DSCAM: variants seen among roughly 807,000 people sequenced by gnomAD.
The protein encoded by DSCAM is cell adhesion molecule DSCAM.
In DSCAM, 47 loss-of-function variants were observed where a neutral mutation model predicts 217.7. The observed-to-expected ratio is 0.22, with a 90% CI of 0.17 to 0.28. The LOEUF is 0.28. DSCAM is among the 10% of genes least tolerant of loss of function. The probability of loss-of-function intolerance (pLI) is 1.00; values close to 1 mark genes in which losing one functional copy is unlikely to be tolerated. For missense variants in DSCAM, 2,080 were observed against 2,618.3 expected, an observed-to-expected ratio of 0.79 and a Z score of 4.49; for synonymous variants, 1,056 against 1,015.3, an observed-to-expected ratio of 1.04 and a Z score of -0.76.
rs75539796 is a variant in DSCAM at position 40,160,325 on chromosome 21, T to C, written c.3018+6893A>G. On this transcript the variant is annotated intron_variant, in intron 16 of 32. Coordinates refer to ENST00000400454, the MANE Select transcript of DSCAM (RefSeq NM_001389.5). ...TCTAATTTTCTGAAATTTAATCCAG[T>C]ACTTTTTACACTGTATTCTAATTAT... 2.0e-4 allele frequency among the ~76,000 whole-genome samples: 30 copies of C among 152,334 alleles called. No homozygotes were observed. In the East Asian group the frequency reaches 5.6e-3, roughly 28 times the overall value.
At chr21:40,439,921 G>C (rs1278394209) in intron 3 of DSCAM, among the ~76,000 whole-genome samples, 3 of 152,186 alleles carry the variant, frequency 2.0e-5, no homozygotes, top group African/African-American at 7.2e-5. Flanking sequence ...GGGAATTCAA[G>C]ATGAAATTTG....
In DSCAM at chr21:40,844,656, A is replaced by G. The variant is rs371343732; in HGVS notation, c.43+1963T>C. Among the ~76,000 whole-genome samples, 29 of 152,312 alleles carry G rather than the reference A, an allele frequency of 1.9e-4. 1 individual carries two copies. The South Asian group carries it at 6.0e-3, about 32-fold the overall frequency. ...AATATTTGAGGTTTCATATAATTGT[A>G]TTACCATATATAATTATTTCTATGA... On this transcript the variant is annotated intron_variant, in intron 1 of 32. Transcript: ENST00000400454.
At chr21:40,425,361 A>G (rs1019816281) in intron 3 of DSCAM, among the ~76,000 whole-genome samples, 3 of 152,264 alleles carry the variant, frequency 2.0e-5, no homozygotes, top group Admixed American at 1.3e-4. Flanking sequence ...CCCCGTCTCT[A>G]CTAAAAATAA....
intron 1 of DSCAM, among the ~76,000 whole-genome samples, chr21:40,820,621 T>G (rs1569053255): frequency 6.6e-6 from 1 of 152,074 alleles, no homozygotes; most frequent in Non-Finnish European, 1.5e-5. Context: ...GAACTGAAAG[T>G]AAAATAAAAT....
chr21:40,786,525 A>G (rs2091595937), intron 1 of DSCAM, among the ~76,000 whole-genome samples: 1 of 152,066 alleles, frequency 6.6e-6, no homozygotes, highest in Non-Finnish European at 1.5e-5. Context: ...TTAACGAGAC[A>G]CCCAGGAGAC....
chr21:40,328,692 G>C (rs2074343683), intron 8 of DSCAM, among the ~76,000 whole-genome samples: 1 of 151,870 alleles, frequency 6.6e-6, no homozygotes, highest in South Asian at 2.1e-4. Context: ...CAGAGTGAAT[G>C]AAGTGACAAC....
intron 11 of DSCAM, among the ~76,000 whole-genome samples, chr21:40,230,626 A>G (rs1212406538): frequency 6.6e-6 from 1 of 152,208 alleles, no homozygotes; most frequent in African/African-American, 2.4e-5. Context: ...GCTGCAAACC[A>G]CACATTTTAA....
intron 32 of DSCAM, among the ~76,000 whole-genome samples, chr21:40,026,902 T>A (rs370219458): frequency 1.4e-4 from 22 of 152,114 alleles, no homozygotes; most frequent in African/African-American, 4.8e-4. Flanking sequence ...GTTATGTGTG[T>A]ATTTGATCCT....
chr21:40,172,872 C>A lies in DSCAM; in HGVS notation c.2948-5584G>T, dbSNP rs142668011. The stretch of plus-strand genomic sequence containing the variant: ...TCTACAAACACACGTTTGTCTTCTA[C>A]AGGAGTTGGGTGGGTGGGCGAGAGG... On this transcript the variant is annotated intron_variant, in intron 15 of 32. Transcript: ENST00000400454. Among the ~76,000 whole-genome samples, 11 of 152,324 alleles carry A rather than the reference C, an allele frequency of 7.2e-5. No individual in the cohort carries two copies. In the East Asian group the frequency reaches 2.1e-3, roughly 29 times the overall value.
intron 3 of DSCAM, among the ~76,000 whole-genome samples, chr21:40,378,735 G>GCGC (rs1175136047): frequency 6.6e-6 from 1 of 151,466 alleles, no homozygotes; most frequent in African/African-American, 2.4e-5. Flanking sequence ...GGGACTACAG[G>GCGC]CGCCCGCTAC....
In DSCAM at chr21:40,582,075, T is replaced by C. The variant is rs144035041; in HGVS notation, c.508+110735A>G. Reference sequence around the variant, plus strand: ...ATAAATGTCATTCTGCAGTTTAGGATTATGGTCCTAAAGCCCAGTATTTAA... The same window carrying C: ...ATAAATGTCATTCTGCAGTTTAGGACTATGGTCCTAAAGCCCAGTATTTAA... On this transcript the variant is annotated intron_variant, in intron 3 of 32. Transcript: ENST00000400454. Among the ~76,000 whole-genome samples the C allele has an allele frequency of 7.7e-3, 1,178 of 152,284 alleles. 14 individuals carry two copies. The highest frequency in any genetic ancestry group is 0.027 in the African/African-American group (1,106 of 41,566).
At chr21:40,169,310 A>G (rs2090630816) in intron 15 of DSCAM, among the ~76,000 whole-genome samples, 1 of 152,218 alleles carries the variant, frequency 6.6e-6, no homozygotes, top group Non-Finnish European at 1.5e-5. Flanking sequence ...ACAATAAGCC[A>G]AGCAGGAAAT....
intron 3 of DSCAM, among the ~76,000 whole-genome samples, chr21:40,417,536 G>C (rs1471981787): frequency 7.0e-6 from 1 of 143,318 alleles, no homozygotes; most frequent in Non-Finnish European, 1.5e-5. Flanking sequence ...GTGTAATATT[G>C]CATTTGATAT....
At chr21:40,299,817 A>T (rs994996302) in intron 9 of DSCAM, among the ~76,000 whole-genome samples, 2 of 152,144 alleles carry the variant, frequency 1.3e-5, no homozygotes, top group Non-Finnish European at 2.9e-5. Flanking sequence ...TTTATTTTTT[A>T]AAAAGTGCAG....
chr21:40,428,680 C>A (rs2075500547), intron 3 of DSCAM, among the ~76,000 whole-genome samples: 1 of 152,054 alleles, frequency 6.6e-6, no homozygotes, highest in Non-Finnish European at 1.5e-5. Flanking sequence ...ACAGGATATG[C>A]AAATTTACTA....
At chr21:40,282,619 A>T (rs2073777483) in intron 10 of DSCAM, among the ~76,000 whole-genome samples, 1 of 148,744 alleles carries the variant, frequency 6.7e-6, no homozygotes, top group African/African-American at 2.5e-5. Flanking sequence ...AAAAAAAAAA[A>T]AGATAGGTAA....
intron 1 of DSCAM, among the ~76,000 whole-genome samples, chr21:40,751,673 A>G (rs528121927): frequency 1.3e-5 from 2 of 152,284 alleles, no homozygotes; most frequent in South Asian, 2.1e-4. Flanking sequence ...CAAGGAGTTC[A>G]GGAGAGGGGT....
chr21:40,074,894 T>C (rs1297811084), intron 27 of DSCAM, 143 bp downstream of exon 27: 7 of 774,954 alleles, frequency 9.0e-6, no homozygotes, highest in Non-Finnish European at 1.4e-5. Flanking sequence ...TGAAGGAATG[T>C]CAGAGAACCA....
intron 1 of DSCAM, among the ~76,000 whole-genome samples, chr21:40,809,703 T>A (rs1343208460): frequency 6.6e-6 from 1 of 152,164 alleles, no homozygotes; most frequent in Non-Finnish European, 1.5e-5. Flanking sequence ...GTTATATTCA[T>A]AGCAAGTCCC....
Sources: gnomAD v4.1 joint callset for allele counts (sites outside exome capture counted in the v4.1 genomes callset) on GRCh38, gnomAD v4.1.1 for gene constraint, MANE v1.5 for transcripts, NCBI Gene and HGNC (gene_info 2026-07-23, HGNC 2026-07-21) for gene names.